RHOU: variants seen among roughly 807,000 people sequenced by gnomAD.
RHOU encodes rho-related GTP-binding protein RhoU.
RHOU carries 8 observed loss-of-function variants against 12.6 expected under a neutral mutation model. The ratio of observed to expected loss-of-function variants is 0.64; its 90% CI spans 0.37 to 1.15. The LOEUF (loss-of-function observed/expected upper bound fraction) is 1.15. Among genes scored for constraint, RHOU ranks in the 50% most tolerant of loss-of-function variants. The pLI, the probability that RHOU is intolerant of heterozygous loss-of-function variation, is 0.01. For synonymous variants in RHOU, 161 were observed against 147.4 expected, an observed-to-expected ratio of 1.09 and a Z score of -0.67; for missense variants, 258 against 347.0, an observed-to-expected ratio of 0.74 and a Z score of 2.04.
the RHOU span, among the ~76,000 whole-genome samples, chr1:228,654,202 G>A: frequency 2.0e-5 from 3 of 151,724 alleles, no homozygotes; most frequent in Admixed American, 2.0e-4. Context: ...TGAACTCCTG[G>A]GTTCAAGTGA....
chr1:228,725,658 A>G, the RHOU span, among the ~76,000 whole-genome samples: 1 of 152,344 alleles, frequency 6.6e-6, no homozygotes, highest in South Asian at 2.1e-4. Flanking sequence ...TGAAATCCTA[A>G]GGATGCTGCC....
At chr1:228,650,334 C>A in the RHOU span, 1 of 464,672 alleles carries the variant, frequency 2.2e-6, no homozygotes, top group Non-Finnish European at 4.3e-6. Flanking sequence ...GCCGGCCCTA[C>A]CTGGCCTTTA....
chr1:228,735,665 AC>A lies in RHOU; in HGVS notation c.-76del. 1 of 1,108,344 alleles carries A rather than the reference AC, an allele frequency of 9.0e-7. No individual in the cohort carries two copies. Among genetic ancestry groups the A allele is most frequent in the African/African-American group, 1.7e-5 (1 of 60,152 alleles). 68.7% of individuals were successfully genotyped at this position (1,108,344 alleles called of 1,614,324 possible). A position where few individuals can be genotyped will look rare whatever the true frequency, so the allele number is the denominator to read the frequency against. Reference sequence around the variant, plus strand: ...CAGCTGTCGGTGACAGCTCCTCCCTACCGCAACCCTCCGGGGCGGAGGGGCG... The same window carrying A: ...CAGCTGTCGGTGACAGCTCCTCCCTACGCAACCCTCCGGGGCGGAGGGGCG... On this transcript the variant is annotated 5_prime_UTR_variant, in exon 1 of 3. Transcript: ENST00000366691. The surrounding 1 kb of genome is among the most constrained non-coding windows in gnomAD (Gnocchi z 8.1).
At chr1:228,702,613 A>T in the RHOU span, among the ~76,000 whole-genome samples, 90 of 152,192 alleles carry the variant, frequency 5.9e-4, no homozygotes, top group Non-Finnish European at 8.8e-5. Flanking sequence ...CAAAAACATA[A>T]CAGAAGCAGA....
the RHOU span, among the ~76,000 whole-genome samples, chr1:228,701,976 A>G: frequency 6.6e-6 from 1 of 152,058 alleles, no homozygotes; most frequent in Non-Finnish European, 1.5e-5. Context: ...ATCAGTATTT[A>G]TAGATGAAAA....
the RHOU span, among the ~76,000 whole-genome samples, chr1:228,728,899 C>CTTTT: frequency 2.8e-5 from 4 of 141,858 alleles, no homozygotes; most frequent in South Asian, 2.2e-4. Flanking sequence ...CTTTTCTTTT[C>CTTTT]TTTTTTTTTT....
chr1:228,699,353 T>A, the RHOU span, among the ~76,000 whole-genome samples: 1 of 138,184 alleles, frequency 7.2e-6, no homozygotes, highest in African/African-American at 2.7e-5. Flanking sequence ...GAGGCTGAGG[T>A]GGGAGGATCA....
Position 228,746,361 on chromosome 1 carries a change from A to G in RHOU, c.*2621A>G, listed in dbSNP as rs1421125066. ...TAGAGAATGCCACTTTGGCTGAACTACAAGTGTAGGCCACCATTATAATTT... is the reference window on the plus strand; with the variant it reads ...TAGAGAATGCCACTTTGGCTGAACTGCAAGTGTAGGCCACCATTATAATTT... On this transcript the variant is annotated 3_prime_UTR_variant, in exon 3 of 3. Transcript: ENST00000366691. The G allele has an allele frequency of 6.6e-6, 1 of 152,248 alleles. No homozygotes were observed. The highest frequency in any genetic ancestry group is 1.5e-5 in the Non-Finnish European group (1 of 68,044). 9.4% of individuals were successfully genotyped at this position (152,248 alleles called of 1,614,324 possible).
chr1:228,710,721 A>C, the RHOU span, among the ~76,000 whole-genome samples: 2 of 150,034 alleles, frequency 1.3e-5, no homozygotes, highest in African/African-American at 4.9e-5. Flanking sequence ...ATGGGCAAAA[A>C]CTGGAAGCAT....
intron 2 of RHOU, among the ~76,000 whole-genome samples, chr1:228,741,529 T>G (rs1244530605): frequency 6.6e-6 from 1 of 152,204 alleles, no homozygotes; most frequent in Non-Finnish European, 1.5e-5. Flanking sequence ...AGTTTTATGC[T>G]TCTTTCTTTG....
the RHOU span, among the ~76,000 whole-genome samples, chr1:228,652,957 C>T: frequency 6.6e-6 from 1 of 152,096 alleles, no homozygotes; most frequent in Non-Finnish European, 1.5e-5. Flanking sequence ...TTGGAAATGA[C>T]TTCATGAGTA....
chr1:228,646,533 C>T, the RHOU span, among the ~76,000 whole-genome samples: 1 of 116,248 alleles, frequency 8.6e-6, no homozygotes, highest in Non-Finnish European at 1.8e-5. Flanking sequence ...CGCGCGGGGC[C>T]TTTCTCTCAC....
At chr1:228,694,390 G>A in the RHOU span, among the ~76,000 whole-genome samples, 2 of 152,150 alleles carry the variant, frequency 1.3e-5, no homozygotes, top group South Asian at 2.1e-4. Flanking sequence ...ATAGGTAAAC[G>A]TGTGCCATGG....
the RHOU span, among the ~76,000 whole-genome samples, chr1:228,713,489 A>G: frequency 4.6e-5 from 7 of 151,976 alleles, no homozygotes; most frequent in African/African-American, 1.7e-4. Flanking sequence ...ACACTCGGCT[A>G]ATTTTTTTAT....
the RHOU span, among the ~76,000 whole-genome samples, chr1:228,722,979 G>A: frequency 6.6e-6 from 1 of 152,102 alleles, no homozygotes; most frequent in Admixed American, 6.5e-5. Flanking sequence ...ATCATGCTGC[G>A]TCTACCTTAA....
chr1:228,656,108 T>A, the RHOU span, among the ~76,000 whole-genome samples: 1 of 152,234 alleles, frequency 6.6e-6, no homozygotes, highest in Non-Finnish European at 1.5e-5. Context: ...TTCTTTTACC[T>A]CCCTGAATAT....
the RHOU span, among the ~76,000 whole-genome samples, chr1:228,703,015 T>A: frequency 6.6e-6 from 1 of 152,184 alleles, no homozygotes; most frequent in East Asian, 1.9e-4. Context: ...AGCTGAGATT[T>A]TAGGCCTAAA....
upstream of RHOU, chr1:228,735,078 G>C (rs1413952324): frequency 6.6e-6 from 1 of 152,242 alleles, no homozygotes; most frequent in African/African-American, 2.4e-5. The surrounding 1 kb of genome is among the most constrained non-coding windows in gnomAD (Gnocchi z 8.1). Flanking sequence ...GCCAGCCGGG[G>C]GCTCCACGGA....
At chr1:228,669,494 A>G in the RHOU span, among the ~76,000 whole-genome samples, 1 of 152,176 alleles carries the variant, frequency 6.6e-6, no homozygotes, top group African/African-American at 2.4e-5. Flanking sequence ...GAGAGCCAGC[A>G]CAGCTAAACC....
Sources: gnomAD v4.1 joint callset for allele counts (sites outside exome capture counted in the v4.1 genomes callset) on GRCh38, gnomAD v4.1.1 for gene constraint, Gnocchi (gnomAD v3.1) non-coding constraint, MANE v1.5 for transcripts, NCBI Gene and HGNC (gene_info 2026-07-23, HGNC 2026-07-21) for gene names.